Variants in ZNF660 observed in about 807,000 individuals in gnomAD.
ZNF660 encodes the protein zinc finger protein 660.
A neutral mutation model predicts 23.2 loss-of-function variants in ZNF660; 24 were observed. The ratio of observed to expected loss-of-function variants is 1.04; its 90% confidence interval spans 0.75 to 1.46. ZNF660 has a LOEUF of 1.46. Ranked by LOEUF, ZNF660 falls within the 40% of genes most tolerant of loss-of-function variation. ZNF660 has a pLI of 0.00. For synonymous variants in ZNF660, 117 were observed against 131.4 expected, an observed-to-expected ratio of 0.89 and a Z score of 0.75; for missense variants, 373 against 396.8, an observed-to-expected ratio of 0.94 and a Z score of 0.51.
chr3:44,592,822 G>A (rs1480136646), intron 2 of ZNF660, among the ~76,000 whole-genome samples: 2 of 152,158 alleles, frequency 1.3e-5, no homozygotes, highest in African/African-American at 4.8e-5. Flanking sequence ...GGGAGGCCGA[G>A]GCAGGTGGAT....
intron 2 of ZNF660, chr3:44,586,568 T>G (rs555851051): frequency 6.6e-6 from 1 of 152,354 alleles, no homozygotes; most frequent in East Asian, 1.9e-4. Context: ...CTCTGAATAG[T>G]GGGACCAGGT....
chr3:44,596,819 A>G lies in ZNF660; in HGVS notation c.*1630A>G, dbSNP rs992969057. 3.9e-5 allele frequency: 6 copies of G among 152,222 alleles called. No individual in the cohort carries two copies. The highest frequency in any genetic ancestry group is 1.3e-4 in the Admixed American group (2 of 15,288). The allele number at this position is 152,222 out of a possible 1,614,324, so 9.4% of individuals were successfully genotyped here. On this transcript the variant is annotated 3_prime_UTR_variant, in exon 3 of 3. Coordinates refer to ENST00000322734, the MANE Select transcript of ZNF660 (RefSeq NM_173658.4). ...AGAAGGGACGGAGAGGTGTTGAGCAATCAATACAACAGATGTTTTCTATCT... is the reference window on the plus strand; with the variant it reads ...AGAAGGGACGGAGAGGTGTTGAGCAGTCAATACAACAGATGTTTTCTATCT...
rs915046421 is a variant in ZNF660 at position 44,598,770 on chromosome 3, A to G, written c.*3581A>G. On this transcript the variant is annotated 3_prime_UTR_variant, in exon 3 of 3. Coordinates refer to ENST00000322734, the MANE Select transcript of ZNF660 (RefSeq NM_173658.4). Reference sequence around the variant, plus strand: ...GGCAGTGCTTATTCTGCATTCCTCAATTGCTGGTTTATGTGTCTCTCAACT... The same window carrying G: ...GGCAGTGCTTATTCTGCATTCCTCAGTTGCTGGTTTATGTGTCTCTCAACT... 2 of 152,206 alleles carry G rather than the reference A, an allele frequency of 1.3e-5. No individual in the cohort carries two copies. Among genetic ancestry groups the G allele is most frequent in the South Asian group, 2.1e-4 (1 of 4,812 alleles). 9.4% of individuals were successfully genotyped at this position (152,206 alleles called of 1,614,324 possible).
chr3:44,593,935 C>G lies in ZNF660; in HGVS notation c.-180-79C>G, dbSNP rs192625678. The G allele has an allele frequency of 1.0e-3, 571 of 570,100 alleles. 3 individuals are homozygous for G. The highest frequency in any genetic ancestry group is 9.4e-3 in the African/African-American group (509 of 54,182). 35.3% of individuals were successfully genotyped at this position (570,100 alleles called of 1,614,324 possible). A position where few individuals can be genotyped will look rare whatever the true frequency, so the allele number is the denominator to read the frequency against. ...ACACTTAACCCTTCCATATGGCTAC[C>G]ACATCTTGTCCGTGGATAGATCTCC... On this transcript the variant is annotated intron_variant, in intron 2 of 2. Transcript: ENST00000322734.
Position 44,596,024 on chromosome 3 carries a change from C to CT in ZNF660, c.*836dup. 1 of 167,082 alleles carries CT rather than the reference C, an allele frequency of 6.0e-6. No individual in the cohort carries two copies. The highest frequency in any genetic ancestry group is 2.4e-5 in the African/African-American group (1 of 41,570). 10.3% of individuals were successfully genotyped at this position (167,082 alleles called of 1,614,324 possible). On this transcript the variant is annotated 3_prime_UTR_variant, in exon 3 of 3. Coordinates refer to ENST00000322734, the MANE Select transcript of ZNF660 (RefSeq NM_173658.4). ...GGAAGGATCTGCAGATGATGGAGAA[C>CT]TACCTAGGCTTCATCTTTTCAACAT...
At chr3:44,587,611 C>T (rs990405521) in intron 2 of ZNF660, among the ~76,000 whole-genome samples, 1 of 152,192 alleles carries the variant, frequency 6.6e-6, no homozygotes, top group Non-Finnish European at 1.5e-5. Context: ...TGATCAAACT[C>T]TCCTCATTTG....
chr3:44,594,853 T>G lies in ZNF660; in HGVS notation c.660T>G (p.Cys220Trp). Residue 220 changes from cysteine (C) to tryptophan (W), a missense_variant, in exon 3 of 3, where the codon TGT becomes TGG. Physicochemically the swap from Cys to Trp is radical, Grantham distance 215. Coordinates refer to ENST00000322734, the MANE Select transcript of ZNF660 (RefSeq NM_173658.4). ...RIHTGEKPYE[C>W]DECGKTFILR... Reference sequence around the variant, plus strand: ...ACACTGGAGAGAAGCCTTATGAATGTGATGAGTGTGGAAAAACTTTCATCT... The same window carrying G: ...ACACTGGAGAGAAGCCTTATGAATGGGATGAGTGTGGAAAAACTTTCATCT... The G allele has an allele frequency of 6.2e-7, 1 of 1,614,178 alleles. No homozygotes were observed. The highest frequency in any genetic ancestry group is 8.5e-7 in the Non-Finnish European group (1 of 1,180,046).
At chr3:44,591,653 A>G (rs111478928) in intron 2 of ZNF660, among the ~76,000 whole-genome samples, 4 of 152,234 alleles carry the variant, frequency 2.6e-5, no homozygotes, top group Non-Finnish European at 5.9e-5. Context: ...GAAGGAATTC[A>G]ATGATCATAT....
chr3:44,591,832 T>C (rs997616407), intron 2 of ZNF660, among the ~76,000 whole-genome samples: 4 of 152,198 alleles, frequency 2.6e-5, no homozygotes, highest in South Asian at 2.1e-4. Context: ...CCATTTCTAC[T>C]TAAAAAATAC....
rs777071198 is a variant in ZNF660 at position 44,594,685 on chromosome 3, T to G, written c.492T>G (p.Cys164Trp). Reference sequence around the variant, plus strand: ...ACACCGGAGAGAAGCCCTATTCTTGTATTGAGTGTGGGAAAGCCTTTAGCC... The same window carrying G: ...ACACCGGAGAGAAGCCCTATTCTTGGATTGAGTGTGGGAAAGCCTTTAGCC... ...RVHTGEKPYS[C>W]IECGKAFSRS... is the part of the protein sequence containing the mutation. Residue 164 changes from cysteine (C) to tryptophan (W), a missense_variant, in exon 3 of 3, where the codon TGT becomes TGG. Coordinates refer to ENST00000322734, the MANE Select transcript of ZNF660 (RefSeq NM_173658.4). 2 of 1,614,010 alleles carry G rather than the reference T, an allele frequency of 1.2e-6. No individual in the cohort carries two copies. The highest frequency in any genetic ancestry group is 2.7e-5 in the African/African-American group (2 of 74,904).
In ZNF660 at chr3:44,594,649, T is replaced by C. The variant is rs769659283; in HGVS notation, c.456T>C (p.His152=). ...AFSRSSGLIS[H]HRVHTGEKPY... ...GTCGGAGTTCGGGCCTTATATCACA[T>C]CACAGAGTTCACACCGGAGAGAAGC... The change falls in exon 3 of 3, where the codon CAT becomes CAC. Residue 152 remains histidine, a synonymous_variant. Coordinates refer to ENST00000322734, the MANE Select transcript of ZNF660 (RefSeq NM_173658.4). The C allele has an allele frequency of 1.9e-6, 3 of 1,613,726 alleles. No homozygotes were observed. Among genetic ancestry groups the C allele is most frequent in the African/African-American group, 2.7e-5 (2 of 74,806 alleles).
intron 2 of ZNF660, among the ~76,000 whole-genome samples, chr3:44,589,881 C>T (rs369397928): frequency 2.0e-5 from 3 of 150,760 alleles, no homozygotes; most frequent in African/African-American, 4.9e-5. Context: ...GTAAGCAGGA[C>T]GGACAAAATC....
At chr3:44,585,738 C>T (rs1284670024) in intron 1 of ZNF660, among the ~76,000 whole-genome samples, 1 of 152,186 alleles carries the variant, frequency 6.6e-6, no homozygotes, top group Non-Finnish European at 1.5e-5. Context: ...TCTCATCCCC[C>T]TTGTGCAGAC....
At position 44,594,352 on chromosome 3, in the gene ZNF660, T is replaced by C; in HGVS notation, c.159T>C (p.Thr53=). The change falls in exon 3 of 3, where the codon ACT becomes ACC. Residue 53 remains threonine (T), a synonymous_variant. Transcript: ENST00000322734. ...CTGAAAAGAGACAGTATGTATGTAC[T>C]GAGTGTGGGAAAGCCTTTAGTCAGA... The part of the protein sequence containing the change: ...VQAEKRQYVC[T]ECGKAFSQSA... 6.2e-7 allele frequency: 1 copy of C among 1,614,208 alleles called. No individual in the cohort carries two copies. The highest frequency in any genetic ancestry group is 8.5e-7 in the Non-Finnish European group (1 of 1,180,034).
intron 2 of ZNF660, among the ~76,000 whole-genome samples, 182 bp from the exon 3 acceptor site, chr3:44,593,832 C>T (rs1378185319): frequency 6.6e-6 from 1 of 152,188 alleles, no homozygotes; most frequent in Non-Finnish European, 1.5e-5. Flanking sequence ...TAGCCCCTGG[C>T]TTTCCATAAG....
intron 2 of ZNF660, among the ~76,000 whole-genome samples, chr3:44,591,356 T>C (rs567094809): frequency 6.6e-6 from 1 of 152,164 alleles, no homozygotes; most frequent in East Asian, 1.9e-4. Context: ...CTCAAACTTT[T>C]GGGCCCAAGT....
Position 44,594,735 on chromosome 3 carries a change from A to T in ZNF660, c.542A>T (p.Gln181Leu). The change falls in exon 3 of 3, where the codon CAG (glutamine) becomes CTG (leucine). Residue 181 changes from glutamine to leucine, a missense_variant. Gln to Leu is a moderately radical substitution (Grantham distance 113, BLOSUM62 -2). Transcript: ENST00000322734. The stretch of plus-strand genomic sequence containing the variant: ...CGTAGTTCAAACCTTACTCAACATC[A>T]GCGAATGCACAGAGGAAAAAAAGTT... ...FSRSSNLTQH[Q>L]RMHRGKKVYK... The T allele has an allele frequency of 6.2e-7, 1 of 1,614,162 alleles. No homozygotes were observed. Among genetic ancestry groups the T allele is most frequent in the Non-Finnish European group, 8.5e-7 (1 of 1,180,036 alleles).
Position 44,594,075 on chromosome 3 carries a change from C to A in ZNF660, c.-119C>A. The A allele has an allele frequency of 8.0e-7, 1 of 1,244,474 alleles. No homozygotes were observed. Among genetic ancestry groups the A allele is most frequent in the Non-Finnish European group, 1.2e-6 (1 of 860,102 alleles). 77.1% of individuals were successfully genotyped at this position (1,244,474 alleles called of 1,614,324 possible). A position where few individuals can be genotyped will look rare whatever the true frequency, so the allele number is the denominator to read the frequency against. On this transcript the variant is annotated 5_prime_UTR_variant, in exon 3 of 3. Coordinates refer to ENST00000322734, the MANE Select transcript of ZNF660 (RefSeq NM_173658.4). ...AGCATCATTCCTGAAAAATCAGAAT[C>A]ATACATACTTTCAAGAGAATTCCAC...
chr3:44,595,334 T>A lies in ZNF660; in HGVS notation c.*145T>A. The A allele has an allele frequency of 1.1e-6, 1 of 933,496 alleles. No individual in the cohort carries two copies. The highest frequency in any genetic ancestry group is 2.4e-5 in the South Asian group (1 of 42,178). 57.8% of individuals were successfully genotyped at this position (933,496 alleles called of 1,614,324 possible). On this transcript the variant is annotated 3_prime_UTR_variant, in exon 3 of 3. Transcript: ENST00000322734. ...AGACAAAGATTAATGAAAGGGATGT[T>A]CATGACAGCATCATATACGACTGAA...
Sources: gnomAD v4.1 joint callset for allele counts (sites outside exome capture counted in the v4.1 genomes callset) on GRCh38, gnomAD v4.1.1 for gene constraint, MANE v1.5 for transcripts, NCBI Gene and HGNC (gene_info 2026-07-23, HGNC 2026-07-21) for gene names.